Variants in SCMH1 observed in about 807,000 individuals in gnomAD.
SCMH1 encodes the protein Scm polycomb group protein homolog 1, also known as polycomb protein SCMH1.
A neutral mutation model predicts 70.8 loss-of-function variants in SCMH1; 37 were observed. The observed-to-expected ratio is 0.52, with a 90% CI of 0.40 to 0.69. The LOEUF (loss-of-function observed/expected upper bound fraction) is 0.69. Ranked by LOEUF, SCMH1 falls within the 30% of genes least tolerant of loss-of-function variation. The probability of loss-of-function intolerance (pLI) is 0.00; values close to 1 mark genes in which losing one functional copy is unlikely to be tolerated. For missense variants in SCMH1, 607 were observed against 827.3 expected (o/e 0.73, Z 3.27); for synonymous variants, 292 against 307.4 (o/e 0.95, Z 0.52).
chr1:41,129,295 C>T (rs116333172), intron 6 of SCMH1, among the ~76,000 whole-genome samples: 5 of 152,280 alleles, frequency 3.3e-5, no homozygotes, highest in African/African-American at 1.2e-4. Context: ...TCACCACCAT[C>T]CATCTCCAGG....
At chr1:41,151,709 T>C in intron 4 of SCMH1, 25 bp from the exon 5 acceptor site, 1 of 1,550,058 alleles carries the variant, frequency 6.5e-7, no homozygotes, top group Non-Finnish European at 8.9e-7. Context: ...GAAATCTATA[T>C]CACAGTCAAC....
At chr1:41,231,591 A>T (rs1332779975) in intron 1 of SCMH1, among the ~76,000 whole-genome samples, 3 of 152,146 alleles carry the variant, frequency 2.0e-5, no homozygotes, top group Non-Finnish European at 2.9e-5. Context: ...TTTACCTGAG[A>T]TTACTTTTCT....
At chr1:41,102,319 T>C (rs1666834367) in intron 8 of SCMH1, among the ~76,000 whole-genome samples, 1 of 152,224 alleles carries the variant, frequency 6.6e-6, no homozygotes, top group Non-Finnish European at 1.5e-5. Context: ...GGCCTTGGTA[T>C]AGTAATTTAG....
chr1:41,110,043 C>CT (rs1308646386), intron 8 of SCMH1, among the ~76,000 whole-genome samples: 1 of 152,198 alleles, frequency 6.6e-6, no homozygotes, highest in East Asian at 1.9e-4. Flanking sequence ...TACCTCGCTT[C>CT]TTGCTGCTTC....
chr1:41,182,050 G>A lies in SCMH1; in HGVS notation c.13+4071C>T, dbSNP rs147190903. On this transcript the variant is annotated intron_variant, in intron 2 of 14. Transcript: ENST00000337495. Reference sequence around the variant, plus strand: ...AATGATGAGTTCATGTCCTTTGTAGGGACATGGATGAAGCTGGAAACCATC... The same window carrying A: ...AATGATGAGTTCATGTCCTTTGTAGAGACATGGATGAAGCTGGAAACCATC... Among the ~76,000 whole-genome samples the A allele has an allele frequency of 7.8e-3, 1,188 of 152,196 alleles. 15 individuals are homozygous for A. The highest frequency in any genetic ancestry group is 0.028 in the African/African-American group (1,147 of 41,506).
At chr1:41,237,025 G>C (rs538061119) in intron 1 of SCMH1, among the ~76,000 whole-genome samples, 1 of 152,178 alleles carries the variant, frequency 6.6e-6, no homozygotes, top group Non-Finnish European at 1.5e-5. Flanking sequence ...CAACATTTGA[G>C]TGCCTGATAT....
At chr1:41,183,129 C>A (rs187728557) in intron 2 of SCMH1, among the ~76,000 whole-genome samples, 1 of 152,170 alleles carries the variant, frequency 6.6e-6, no homozygotes, top group Non-Finnish European at 1.5e-5. Context: ...CTCTTGTCCT[C>A]CAAATCCAAC....
intron 5 of SCMH1, among the ~76,000 whole-genome samples, chr1:41,149,829 G>A (rs1316387543): frequency 6.6e-6 from 1 of 152,190 alleles, no homozygotes; most frequent in South Asian, 2.1e-4. Flanking sequence ...CCCTGTGTGA[G>A]TGCCAGGTTC....
At chr1:41,207,319 G>A (rs1401392988) in intron 1 of SCMH1, among the ~76,000 whole-genome samples, 2 of 152,102 alleles carry the variant, frequency 1.3e-5, no homozygotes, top group African/African-American at 2.4e-5. Flanking sequence ...GACACACATG[G>A]GCTCAAAATA....
At position 41,143,639 on chromosome 1, in the gene SCMH1, T is replaced by C. The variant is rs138090051; in HGVS notation, c.178-527A>G. Among the ~76,000 whole-genome samples, 582 of 152,344 alleles carry C rather than the reference T, an allele frequency of 3.8e-3. 8 individuals carry two copies. The highest frequency in any genetic ancestry group is 0.014 in the African/African-American group (565 of 41,576). ...AAGTCTTGACATATGTATATACTCA[T>C]ATTACTATATACACCATATAAACCT... is the stretch of plus-strand genomic sequence containing the variant. On this transcript the variant is annotated intron_variant, in intron 5 of 14. Coordinates refer to ENST00000337495, the Ensembl canonical transcript of SCMH1.
chr1:41,048,607 A>G (rs1571461730), intron 11 of SCMH1, 83 bp downstream of exon 11: 1 of 1,241,174 alleles, frequency 8.1e-7, no homozygotes, highest in East Asian at 2.3e-5. Flanking sequence ...TGAAGTGGGA[A>G]CCAGGATGCC....
chr1:41,209,353 C>A (rs1288930261), intron 1 of SCMH1, among the ~76,000 whole-genome samples: 2 of 152,206 alleles, frequency 1.3e-5, no homozygotes, highest in Non-Finnish European at 2.9e-5. Context: ...GGAATCCTCT[C>A]TAACTCATTT....
At chr1:41,051,997 G>C (rs1373888090) in intron 10 of SCMH1, among the ~76,000 whole-genome samples, 1 of 152,142 alleles carries the variant, frequency 6.6e-6, no homozygotes, top group Non-Finnish European at 1.5e-5. Flanking sequence ...CCCTGTATAG[G>C]TGTACCATTT....
intron 1 of SCMH1, among the ~76,000 whole-genome samples, chr1:41,217,604 T>C (rs758912479): frequency 5.9e-5 from 9 of 152,206 alleles, no homozygotes; most frequent in Non-Finnish European, 1.3e-4. Context: ...TCTTGTTAGA[T>C]GGATTGGACC....
intron 1 of SCMH1, among the ~76,000 whole-genome samples, chr1:41,230,676 T>C (rs1439634213): frequency 6.7e-6 from 1 of 149,800 alleles, no homozygotes; most frequent in African/African-American, 2.5e-5. Context: ...AAAAAAAAAA[T>C]TAAAGAAATG....
rs1573362128 is a variant in SCMH1, at chr1:41,241,654, A to T, written c.-118+405T>A. On this transcript the variant is annotated intron_variant, in intron 1 of 14. Transcript: ENST00000337495. The stretch of plus-strand genomic sequence containing the variant: ...CGCCGCCGCCCGGCCCTCGGCCCCC[A>T]GCCAGCCTGCCCCGGCCCACCCGGC... Among the ~76,000 whole-genome samples the T allele has an allele frequency of 2.6e-5, 4 of 151,808 alleles. No individual in the cohort carries two copies. The South Asian group carries it at 8.3e-4, about 31-fold the overall frequency.
chr1:41,229,016 T>C (rs1230719723), intron 1 of SCMH1, among the ~76,000 whole-genome samples: 1 of 151,998 alleles, frequency 6.6e-6, no homozygotes, highest in Non-Finnish European at 1.5e-5. Context: ...ACCAACACGG[T>C]GAAACCGTAT....
intron 7 of SCMH1, among the ~76,000 whole-genome samples, chr1:41,115,092 A>T (rs1046828609): frequency 6.6e-6 from 1 of 152,198 alleles, no homozygotes; most frequent in African/African-American, 2.4e-5. Flanking sequence ...CATTGCTATC[A>T]TAAGTGGCAT....
At chr1:41,037,573 A>G in intron 12 of SCMH1, 32 bp from the exon 13 acceptor site, 1 of 1,598,532 alleles carries the variant, frequency 6.3e-7, no homozygotes, top group East Asian at 2.2e-5. Flanking sequence ...GTTAGAGCTT[A>G]GAAGGACTGC....
Sources: allele counts gnomAD v4.1 joint callset (sites outside exome capture counted in the v4.1 genomes callset), GRCh38; gene constraint gnomAD v4.1.1; transcripts MANE v1.5; gene names NCBI Gene and HGNC (gene_info 2026-07-23, HGNC 2026-07-21).